Variants in CELF4 observed in about 807,000 individuals in gnomAD.
The protein encoded by CELF4 is CUG-BP- and ETR-3-like factor 4.
In CELF4, 18 loss-of-function variants were observed where a neutral mutation model predicts 59.9. The observed-to-expected ratio is 0.30, with a 90% CI of 0.21 to 0.45. The LOEUF (loss-of-function observed/expected upper bound fraction) is 0.45, where lower values mean the gene tolerates loss of function less well. Ranked by LOEUF, CELF4 falls within the 20% of genes least tolerant of loss-of-function variation. The pLI is 1.00. For missense variants in CELF4, 456 were observed against 689.0 expected, an observed-to-expected ratio of 0.66 and a Z score of 3.79; for synonymous variants, 261 against 267.1, an observed-to-expected ratio of 0.98 and a Z score of 0.22.
At chr18:37,452,821 C>T (rs572156181) in intron 2 of CELF4, among the ~76,000 whole-genome samples, 16 of 152,330 alleles carry the variant, frequency 1.1e-4, no homozygotes, top group South Asian at 4.1e-4. Context: ...TCATCTCCTT[C>T]GCCTCTGCAT....
intron 2 of CELF4, among the ~76,000 whole-genome samples, chr18:37,351,927 C>T (rs995614316): frequency 2.0e-5 from 3 of 152,102 alleles, no homozygotes; most frequent in African/African-American, 7.2e-5. Context: ...CCCAGAAACA[C>T]AGCTTTCAAG....
intron 1 of CELF4, among the ~76,000 whole-genome samples, chr18:37,560,914 G>A (rs2099986327): frequency 1.3e-5 from 2 of 152,228 alleles, no homozygotes; most frequent in South Asian, 4.1e-4. Flanking sequence ...ATAATTTTAT[G>A]AAGATGGTCA....
chr18:37,272,573 A>AC (rs11412611), intron 7 of CELF4, among the ~76,000 whole-genome samples: 29 of 11,376 alleles, frequency 2.5e-3, no homozygotes, highest in African/African-American at 9.3e-3. Context: ...AAGGGAAATG[A>AC]AAAAAAAAAA....
In CELF4 at chr18:37,260,291, A is replaced by AT. The variant is rs754612399; in HGVS notation, c.1250-1028dup. On this transcript the variant is annotated intron_variant, in intron 10 of 12. Coordinates refer to ENST00000420428, the MANE Select transcript of CELF4 (RefSeq NM_020180.4). ...TTTCTAAAATTCCCAATAACTAACC[A>AT]TTTACCTGTTTCTTTTGAAATAGTC... 2.5e-4 allele frequency among the ~76,000 whole-genome samples: 38 copies of AT among 152,256 alleles called. 1 individual carries two copies. Among genetic ancestry groups the AT allele is most frequent in the Admixed American group, 7.8e-4 (12 of 15,300 alleles).
intron 3 of CELF4, among the ~76,000 whole-genome samples, chr18:37,278,346 A>G (rs941428854): frequency 3.3e-4 from 50 of 152,150 alleles, no homozygotes; most frequent in Non-Finnish European, 2.9e-5. Context: ...CAACCAACTC[A>G]AATGTCTGCT....
chr18:37,350,371 C>T (rs1376322550), intron 2 of CELF4, among the ~76,000 whole-genome samples: 4 of 152,160 alleles, frequency 2.6e-5, no homozygotes, highest in Non-Finnish European at 5.9e-5. Context: ...GAGTAATAGA[C>T]CACGCGCGCT....
At chr18:37,544,949 G>A (rs2099980394) in intron 1 of CELF4, among the ~76,000 whole-genome samples, 1 of 152,160 alleles carries the variant, frequency 6.6e-6, no homozygotes, top group Admixed American at 6.5e-5. Context: ...AACGTGACAT[G>A]CATGGAGACC....
intron 12 of CELF4, among the ~76,000 whole-genome samples, chr18:37,249,078 C>T (rs2063826697): frequency 6.6e-6 from 1 of 152,178 alleles, no homozygotes; most frequent in African/African-American, 2.4e-5. Flanking sequence ...GACTCCTCCT[C>T]TGCAGACCCC....
intron 1 of CELF4, among the ~76,000 whole-genome samples, chr18:37,500,769 C>T (rs540585078): frequency 6.6e-5 from 10 of 152,164 alleles, no homozygotes; most frequent in African/African-American, 2.2e-4. Context: ...CTGCTGACCT[C>T]GTGATCCACC....
intron 12 of CELF4, among the ~76,000 whole-genome samples, chr18:37,249,013 C>T (rs1019407571): frequency 6.6e-6 from 1 of 152,110 alleles, no homozygotes; most frequent in African/African-American, 2.4e-5. Flanking sequence ...GGATGAGGGG[C>T]AAAGAAGCTG....
chr18:37,432,108 T>C (rs1478819309), intron 2 of CELF4, among the ~76,000 whole-genome samples: 2 of 152,378 alleles, frequency 1.3e-5, no homozygotes, highest in African/African-American at 4.8e-5. Context: ...GGGTCCCACC[T>C]GGTCCTCTCT....
intron 2 of CELF4, among the ~76,000 whole-genome samples, chr18:37,456,393 A>G (rs2099778384): frequency 6.6e-6 from 1 of 152,052 alleles, no homozygotes; most frequent in African/African-American, 2.4e-5. Context: ...TGCCTGCCCT[A>G]TATGGATTGA....
At chr18:37,264,410 A>G (rs982967206) in intron 10 of CELF4, among the ~76,000 whole-genome samples, 1 of 152,264 alleles carries the variant, frequency 6.6e-6, no homozygotes, top group Non-Finnish European at 1.5e-5. Flanking sequence ...GGGACCTGCC[A>G]GCCCTCAGGG....
intron 3 of CELF4, among the ~76,000 whole-genome samples, chr18:37,289,578 C>G (rs1005256131): frequency 6.6e-6 from 1 of 152,010 alleles, no homozygotes; most frequent in African/African-American, 2.4e-5. Flanking sequence ...CAGCCAGACT[C>G]TGCTATCAGG....
chr18:37,321,807 A>G lies in CELF4; in HGVS notation c.444T>C (p.Pro148=). ...CAGAGACAAGTGGGCCCTCACGTGA[A>G]GGGGGCTGGCGCAGGCAGCTACTAC... ...RGGSSCLRQP[P]SQDRKLFVGM... is the part of the protein sequence containing the mutation. Residue 148 remains proline, a synonymous_variant, in exon 3 of 13, where the codon CCT becomes CCC. Coordinates refer to ENST00000420428, the MANE Select transcript of CELF4 (RefSeq NM_020180.4). The G allele has an allele frequency of 6.2e-7, 1 of 1,610,144 alleles. No homozygotes were observed. The highest frequency in any genetic ancestry group is 8.5e-7 in the Non-Finnish European group (1 of 1,177,838).
intron 1 of CELF4, among the ~76,000 whole-genome samples, chr18:37,500,377 C>G (rs2099930187): frequency 6.6e-6 from 1 of 152,196 alleles, no homozygotes; most frequent in Non-Finnish European, 1.5e-5. Flanking sequence ...TGTGGAGACC[C>G]AGACCCAGGC....
chr18:37,397,851 T>C (rs572236518), intron 2 of CELF4, among the ~76,000 whole-genome samples: 79 of 152,294 alleles, frequency 5.2e-4, no homozygotes, highest in South Asian at 3.9e-3. Context: ...CTCCCAGGAA[T>C]TCCATCCCCA....
chr18:37,458,881 G>C (rs1444250955), intron 2 of CELF4, among the ~76,000 whole-genome samples: 1 of 152,184 alleles, frequency 6.6e-6, no homozygotes, highest in Non-Finnish European at 1.5e-5. Context: ...TTCTTCGCTG[G>C]TTTTAGAACC....
rs530194061 is a variant in CELF4, at chr18:37,274,458, C to T, written c.658-4G>A. On this transcript the variant is annotated splice_polypyrimidine_tract_variant and splice_region_variant and intron_variant, in intron 5 of 12. Transcript: ENST00000420428. ...CCACCAGACTGGACGAGGCTCCCTG[C>T]GGCCGGGGCGGCGCGTGAGACCCAC... The T allele has an allele frequency of 1.2e-6, 2 of 1,612,210 alleles. No homozygotes were observed. Among genetic ancestry groups the T allele is most frequent in the Admixed American group, 1.7e-5 (1 of 60,002 alleles).
Sources: gnomAD v4.1 joint callset for allele counts (sites outside exome capture counted in the v4.1 genomes callset) on GRCh38, gnomAD v4.1.1 for gene constraint, MANE v1.5 for transcripts, NCBI Gene and HGNC (gene_info 2026-07-23, HGNC 2026-07-21) for gene names.